The following BRAF variants were observed in gnomAD, a reference collection of about 807,000 sequenced individuals.
The protein encoded by BRAF is B-Raf proto-oncogene, serine/threonine kinase, also known as serine/threonine-protein kinase B-raf.
BRAF carries 16 observed loss-of-function variants against 104.6 expected under a neutral mutation model. The ratio of observed to expected loss-of-function variants is 0.15; its 90% confidence interval spans 0.10 to 0.23. BRAF has a LOEUF of 0.23. Ranked by LOEUF, BRAF falls within the 10% of genes least tolerant of loss-of-function variation. The pLI is 1.00. For synonymous variants in BRAF, 310 were observed against 341.6 expected, an observed-to-expected ratio of 0.91 and a Z score of 1.02; for missense variants, 541 against 937.3, an observed-to-expected ratio of 0.58 and a Z score of 5.52.
intron 1 of BRAF, among the ~76,000 whole-genome samples, chr7:140,919,641 A>G (rs1362822264): frequency 6.6e-6 from 1 of 152,138 alleles, no homozygotes; most frequent in African/African-American, 2.4e-5. Flanking sequence ...AAATAAAAAC[A>G]TGGCAATGAA....
chr7:140,719,823 C>T lies in BRAF; in HGVS notation c.*6671G>A. ...CCCCATCTTTTCACTGGGCACGCCC[C>T]AGACTCCACGAGAACCTTTTCAATG... is the stretch of plus-strand genomic sequence containing the variant. On this transcript the variant is annotated 3_prime_UTR_variant, in exon 20 of 20. Coordinates refer to ENST00000644969, the MANE Select transcript of BRAF (RefSeq NM_001374258.1). 1 of 1,063,232 alleles carries T rather than the reference C, an allele frequency of 9.4e-7. No homozygotes were observed. Among genetic ancestry groups the T allele is most frequent in the Non-Finnish European group, 1.1e-6 (1 of 877,992 alleles). 65.9% of individuals were successfully genotyped at this position (1,063,232 alleles called of 1,614,324 possible).
At chr7:140,866,028 C>T (rs749908736) in intron 1 of BRAF, among the ~76,000 whole-genome samples, 23 of 152,118 alleles carry the variant, frequency 1.5e-4, no homozygotes, top group Admixed American at 3.3e-4. Context: ...ACTAAATTTA[C>T]GTAACATTTA....
At chr7:140,922,477 G>T (rs1170280193) in intron 1 of BRAF, among the ~76,000 whole-genome samples, 3 of 152,248 alleles carry the variant, frequency 2.0e-5, no homozygotes, top group African/African-American at 7.2e-5. Flanking sequence ...AATTGCAAAC[G>T]GTTCTAATAA....
intron 14 of BRAF, among the ~76,000 whole-genome samples, chr7:140,760,699 C>G (rs566112027): frequency 1.3e-5 from 2 of 151,324 alleles, no homozygotes; most frequent in Non-Finnish European, 2.9e-5. Context: ...CTTAAAGGAG[C>G]TGATGGGGCT....
At chr7:140,882,391 T>TG (rs1417036208) in intron 1 of BRAF, among the ~76,000 whole-genome samples, 39 of 145,280 alleles carry the variant, frequency 2.7e-4, no homozygotes, top group South Asian at 1.4e-3. Context: ...TTTTTTTTTT[T>TG]GTGAGATGGA....
intron 1 of BRAF, among the ~76,000 whole-genome samples, chr7:140,897,335 T>C (rs1408652002): frequency 6.6e-6 from 1 of 152,082 alleles, no homozygotes; most frequent in African/African-American, 2.4e-5. Flanking sequence ...TGCACATATG[T>C]ACAAATGGTG....
intron 11 of BRAF, among the ~76,000 whole-genome samples, 200 bp downstream of exon 10, chr7:140,782,821 T>A (rs1399374800): frequency 6.6e-6 from 1 of 152,240 alleles, no homozygotes; most frequent in Non-Finnish European, 1.5e-5. Flanking sequence ...TGCCTTTTAC[T>A]AAATTATATT....
At chr7:140,745,923 C>T (rs995718928) in intron 17 of BRAF, among the ~76,000 whole-genome samples, 7 of 152,062 alleles carry the variant, frequency 4.6e-5, no homozygotes, top group Non-Finnish European at 7.4e-5. Context: ...TGAAGACCTG[C>T]GAAGAGGTCC....
chr7:140,763,440 G>A (rs1432117178), intron 14 of BRAF, among the ~76,000 whole-genome samples: 7 of 151,744 alleles, frequency 4.6e-5, no homozygotes, highest in South Asian at 4.2e-4. Flanking sequence ...CCTCCCGGAC[G>A]AGGCAGCTGG....
chr7:140,730,313 G>C (rs1394184158), intron 19 of BRAF, among the ~76,000 whole-genome samples: 3 of 151,804 alleles, frequency 2.0e-5, no homozygotes, highest in Non-Finnish European at 2.9e-5. Context: ...TCAATTTGAG[G>C]CCAAATTGAA....
chr7:140,841,602 T>C (rs2129067579), intron 2 of BRAF, among the ~76,000 whole-genome samples: 1 of 152,298 alleles, frequency 6.6e-6, no homozygotes, highest in Admixed American at 6.5e-5. Context: ...AAACAAACTT[T>C]GGAAACATTA....
Position 140,722,983 on chromosome 7 carries a change from C to T in BRAF, c.*3511G>A. The T allele has an allele frequency of 9.5e-7, 1 of 1,054,018 alleles. No individual in the cohort carries two copies. Among genetic ancestry groups the T allele is most frequent in the Non-Finnish European group, 1.1e-6 (1 of 872,336 alleles). The allele number at this position is 1,054,018 out of a possible 1,614,324, so 65.3% of individuals were successfully genotyped here. A position where few individuals can be genotyped will look rare whatever the true frequency, so the allele number is the denominator to read the frequency against. ...ATGAGAGTGCTCAAATACAAGTACA[C>T]AAAAAAGTTAAAATCTTAAATCATC... On this transcript the variant is annotated 3_prime_UTR_variant, in exon 20 of 20. Coordinates refer to ENST00000644969, the MANE Select transcript of BRAF (RefSeq NM_001374258.1).
chr7:140,752,763 A>G (rs776254506), intron 16 of BRAF, among the ~76,000 whole-genome samples: 9 of 152,200 alleles, frequency 5.9e-5, no homozygotes, highest in Admixed American at 1.3e-4. Context: ...TTAGGCTTAA[A>G]TAAGATTGCG....
intron 1 of BRAF, among the ~76,000 whole-genome samples, chr7:140,904,449 C>G (rs1816061837): frequency 1.3e-5 from 2 of 151,548 alleles, no homozygotes; most frequent in Admixed American, 1.3e-4. Context: ...TTGGGGGAGG[C>G]AGGGAGGGGT....
At chr7:140,794,172 C>T (rs939944733) in intron 8 of BRAF, 136 bp downstream of exon 8, 102 of 1,070,220 alleles carry the variant, frequency 9.5e-5, no homozygotes, top group Middle Eastern at 3.0e-4. Flanking sequence ...ATTTGTGATT[C>T]ACAAGAAGCT....
chr7:140,877,196 A>G (rs1018720468), intron 1 of BRAF, among the ~76,000 whole-genome samples: 16 of 151,348 alleles, frequency 1.1e-4, no homozygotes, highest in African/African-American at 3.4e-4. Flanking sequence ...ATGAAAATAC[A>G]GCATACTAAA....
intron 14 of BRAF, among the ~76,000 whole-genome samples, chr7:140,765,101 A>T (rs2129009673): frequency 6.6e-6 from 1 of 152,160 alleles, no homozygotes; most frequent in East Asian, 1.9e-4. Flanking sequence ...CAAAACAGAG[A>T]TATAGATCAA....
chr7:140,813,888 T>TACATAC (rs1554405457), intron 3 of BRAF, among the ~76,000 whole-genome samples: 1 of 147,376 alleles, frequency 6.8e-6, no homozygotes, highest in South Asian at 2.1e-4. Flanking sequence ...GACGCATACA[T>TACATAC]ACACACACAC....
chr7:140,722,879 T>C lies in BRAF; in HGVS notation c.*3615A>G, dbSNP rs913495385. On this transcript the variant is annotated 3_prime_UTR_variant, in exon 20 of 20. Transcript: ENST00000644969. Reference sequence around the variant, plus strand: ...CCCTAAACCGGTTCTGGCACCACTTTCAACAACATTCAGATATTCCGAGCA... The same window carrying C: ...CCCTAAACCGGTTCTGGCACCACTTCCAACAACATTCAGATATTCCGAGCA... The C allele has an allele frequency of 1.9e-6, 2 of 1,054,908 alleles. No homozygotes were observed. The highest frequency in any genetic ancestry group is 2.3e-6 in the Non-Finnish European group (2 of 872,816). 65.3% of individuals were successfully genotyped at this position (1,054,908 alleles called of 1,614,324 possible). A position where few individuals can be genotyped will look rare whatever the true frequency, so the allele number is the denominator to read the frequency against.
Sources: allele counts gnomAD v4.1 joint callset (sites outside exome capture counted in the v4.1 genomes callset), GRCh38; gene constraint gnomAD v4.1.1; transcripts MANE v1.5; gene names NCBI Gene and HGNC (gene_info 2026-07-23, HGNC 2026-07-21).